The following MID1 variants were observed in gnomAD, a reference collection of about 807,000 sequenced individuals.
MID1 encodes the protein E3 ubiquitin-protein ligase Midline-1.
MID1 carries 7 observed loss-of-function variants against 40.4 expected under a neutral mutation model. The ratio of observed to expected loss-of-function variants is 0.17; its 90% CI spans 0.10 to 0.33. The LOEUF (loss-of-function observed/expected upper bound fraction) is 0.33, where lower values mean the gene tolerates loss of function less well. MID1 is among the 10% of genes least tolerant of loss of function. The pLI is 1.00. For missense variants in MID1, 367 were observed against 558.5 expected, an observed-to-expected ratio of 0.66 and a Z score of 3.46; for synonymous variants, 229 against 221.2, an observed-to-expected ratio of 1.04 and a Z score of -0.31.
At chrX:10,802,408 C>T (rs1023433521) in intron 1 of MID1, among the ~76,000 whole-genome samples, 9 of 110,958 alleles carry the variant, frequency 8.1e-5, no homozygotes, top group Admixed American at 5.8e-4. Flanking sequence ...GACATACAAG[C>T]GGCCAACAAA....
intron 1 of MID1, among the ~76,000 whole-genome samples, chrX:10,585,193 C>T (rs563551889): frequency 2.0e-4 from 22 of 111,262 alleles, no homozygotes; most frequent in South Asian, 1.5e-3. Flanking sequence ...TGCTAGGCGC[C>T]GGGCTACCTG....
intron 7 of MID1, chrX:10,460,130 G>T: frequency 3.0e-6 from 1 of 328,099 alleles, no homozygotes; most frequent in Non-Finnish European, 5.5e-6. Flanking sequence ...AGGCTGAAAT[G>T]ACAATGTGCT....
At chrX:10,759,964 G>A (rs145123015) in intron 1 of MID1, among the ~76,000 whole-genome samples, 35 of 111,991 alleles carry the variant, frequency 3.1e-4, no homozygotes, top group African/African-American at 1.0e-3. Context: ...TTCTCCTAGC[G>A]GACTCTCTCG....
intron 2 of MID1, among the ~76,000 whole-genome samples, chrX:10,548,251 T>G (rs1308944050): frequency 9.0e-6 from 1 of 111,408 alleles, no homozygotes; most frequent in Non-Finnish European, 1.9e-5. Flanking sequence ...ATGAGGCTCC[T>G]CTCCATGCAG....
At chrX:10,599,123 A>G (rs1220537076) in intron 1 of MID1, among the ~76,000 whole-genome samples, 7 of 111,659 alleles carry the variant, frequency 6.3e-5, no homozygotes, top group Non-Finnish European at 9.4e-5. Context: ...GTCTTGCCAG[A>G]CAAGTCCTAG....
At chrX:10,799,256 C>T (rs2147144229) in intron 1 of MID1, among the ~76,000 whole-genome samples, 1 of 111,553 alleles carries the variant, frequency 9.0e-6, no homozygotes, top group East Asian at 2.8e-4. Context: ...CCGTTTTTTT[C>T]ACCTCAAGCA....
intron 2 of MID1, among the ~76,000 whole-genome samples, chrX:10,530,027 G>A (rs986292348): frequency 3.6e-5 from 4 of 111,921 alleles, no homozygotes; most frequent in East Asian, 2.8e-4. Context: ...CATTGGTACC[G>A]TTGAGTCTGA....
intron 1 of MID1, among the ~76,000 whole-genome samples, chrX:10,573,130 G>C (rs893180667): frequency 1.6e-4 from 18 of 112,435 alleles, no homozygotes; most frequent in African/African-American, 5.5e-4. Flanking sequence ...GACTTATGAG[G>C]AAAGTACTTC....
At chrX:10,503,830 T>C (rs7889686) in intron 3 of MID1, among the ~76,000 whole-genome samples, 7,797 of 111,943 alleles carry the variant, frequency 0.07, 561 homozygotes, top group African/African-American at 0.21. Flanking sequence ...AGCAAGACAC[T>C]ATCAAAAATG....
At chrX:10,457,732 C>T (rs567595418) in intron 8 of MID1, among the ~76,000 whole-genome samples, 88 of 112,451 alleles carry the variant, frequency 7.8e-4, no homozygotes, top group South Asian at 1.8e-3. Context: ...AGGAGGCTTT[C>T]GCGATCTGTT....
intron 1 of MID1, among the ~76,000 whole-genome samples, chrX:10,727,022 A>C (rs1050207280): frequency 8.8e-6 from 1 of 113,183 alleles, no homozygotes; most frequent in African/African-American, 3.2e-5. Flanking sequence ...GCAAAGAACA[A>C]AGTCTTCAGT....
chrX:10,711,059 C>T (rs770552088), intron 1 of MID1, among the ~76,000 whole-genome samples: 7 of 111,557 alleles, frequency 6.3e-5, no homozygotes, highest in Non-Finnish European at 9.4e-5. Context: ...CTCTTCACAT[C>T]CCCACCCCCC....
intron 1 of MID1, among the ~76,000 whole-genome samples, chrX:10,575,020 C>T (rs1357842250): frequency 1.8e-5 from 2 of 112,572 alleles, no homozygotes; most frequent in African/African-American, 3.2e-5. Context: ...CAGCAAGCCA[C>T]ACGAAAATGG....
chrX:10,662,708 T>C (rs596006), intron 1 of MID1, among the ~76,000 whole-genome samples: 58 of 111,228 alleles, frequency 5.2e-4, no homozygotes, highest in African/African-American at 1.4e-3. Context: ...CTTTAAGAGG[T>C]CATCATAGCA....
intron 1 of MID1, among the ~76,000 whole-genome samples, chrX:10,751,125 C>T (rs761250621): frequency 9.1e-5 from 10 of 109,332 alleles, no homozygotes; most frequent in Non-Finnish European, 1.3e-4. Flanking sequence ...ACTAGCTGGG[C>T]GTGTTGGCGC....
chrX:10,720,041 A>C (rs2043338281), intron 1 of MID1, among the ~76,000 whole-genome samples: 1 of 112,098 alleles, frequency 8.9e-6, no homozygotes. Flanking sequence ...TTATACTAAA[A>C]TTAATTCAAG....
chrX:10,590,117 T>C (rs760866008), intron 1 of MID1, among the ~76,000 whole-genome samples: 26 of 110,915 alleles, frequency 2.3e-4, no homozygotes, highest in African/African-American at 8.2e-4. Context: ...AGTTTTACAA[T>C]GTCTTTCTAT....
At chrX:10,576,604 C>A (rs1011230086) in intron 1 of MID1, among the ~76,000 whole-genome samples, 2 of 111,671 alleles carry the variant, frequency 1.8e-5, no homozygotes, top group African/African-American at 3.3e-5. Flanking sequence ...CCTGGAGGAA[C>A]AACCACCCTA....
intron 1 of MID1, among the ~76,000 whole-genome samples, chrX:10,815,125 CA>C (rs2044127791): frequency 8.9e-6 from 1 of 111,940 alleles, no homozygotes; most frequent in South Asian, 3.7e-4. Context: ...ATTCCCTTTG[CA>C]CATATTTTAA....
Sources: allele counts gnomAD v4.1 joint callset (sites outside exome capture counted in the v4.1 genomes callset), GRCh38; gene constraint gnomAD v4.1.1; transcripts MANE v1.5; gene names NCBI Gene and HGNC (gene_info 2026-07-23, HGNC 2026-07-21).